Variants in ERC1 observed in about 807,000 individuals in gnomAD.
ERC1 encodes the protein RAB6 interacting protein 2.
ERC1 carries 56 observed loss-of-function variants against 132.0 expected under a neutral mutation model. That is an observed-to-expected ratio of 0.42 (90% CI 0.34 to 0.53). ERC1 has a LOEUF of 0.53. ERC1 is among the 20% of genes least tolerant of loss of function. The pLI, the probability that ERC1 is intolerant of heterozygous loss-of-function variation, is 0.03. For synonymous variants in ERC1, 478 were observed against 476.1 expected (o/e 1.00, Z -0.05); for missense variants, 1,202 against 1,349.9 (o/e 0.89, Z 1.72).
At chr12:1,219,998 AC>A (rs1315204181) in intron 12 of ERC1, among the ~76,000 whole-genome samples, 1 of 151,994 alleles carries the variant, frequency 6.6e-6, no homozygotes, top group African/African-American at 2.4e-5. Context: ...GCTTCTTGCC[AC>A]CCCTGTAACC....
At position 1,236,861 on chromosome 12, in the gene ERC1, G is replaced by A. The variant is rs765235148; in HGVS notation, c.2444G>A (p.Arg815Gln). 9 of 1,614,114 alleles carry A rather than the reference G, an allele frequency of 5.6e-6. No homozygotes were observed. The highest frequency in any genetic ancestry group is 2.2e-5 in the South Asian group (2 of 91,076). ...AGTGCACAAATGTTAGAGGAGGCGCGACGACGGGAGGACAATCTCAACGAC... is the reference window on the plus strand; with the variant it reads ...AGTGCACAAATGTTAGAGGAGGCGCAACGACGGGAGGACAATCTCAACGAC... ...KKSAQMLEEA[R>Q]RREDNLNDSS... The change falls in exon 13 of 19, where the codon CGA becomes CAA. Residue 815 changes from arginine (R) to glutamine (Q), a missense_variant. Physicochemically the swap from Arg to Gln is conservative, Grantham distance 43. Transcript: ENST00000360905.
At chr12:1,146,280 T>G (rs1400839597) in intron 8 of ERC1, among the ~76,000 whole-genome samples, 1 of 151,560 alleles carries the variant, frequency 6.6e-6, no homozygotes, top group Non-Finnish European at 1.5e-5. Flanking sequence ...GTAGAGGTCT[T>G]TCATTTCCTT....
intron 2 of ERC1, among the ~76,000 whole-genome samples, chr12:1,043,556 C>A (rs1214121613): frequency 6.6e-6 from 1 of 152,112 alleles, no homozygotes; most frequent in Non-Finnish European, 1.5e-5. Flanking sequence ...GTGGAGAGGT[C>A]TTAAAGTTAC....
chr12:1,265,319 T>C (rs1442038106), intron 14 of ERC1, among the ~76,000 whole-genome samples: 1 of 151,280 alleles, frequency 6.6e-6, no homozygotes, highest in African/African-American at 2.5e-5. Context: ...TTAATAATCA[T>C]GTCATTATGG....
Position 1,289,784 on chromosome 12 carries a change from G to A in ERC1, c.2620-68G>A, listed in dbSNP as rs1261947914. The A allele has an allele frequency of 6.1e-6, 8 of 1,319,864 alleles. No individual in the cohort carries two copies. The East Asian group carries it at 6.9e-5, about 11-fold the overall frequency. 81.8% of individuals were successfully genotyped at this position (1,319,864 alleles called of 1,614,324 possible). ...AATTTTCTGGACCCAGGAGTTGCGT[G>A]TTACCCAGGTCCTCTGACTCTGATT... is the stretch of plus-strand genomic sequence containing the variant. On this transcript the variant is annotated intron_variant, in intron 14 of 18. Coordinates refer to ENST00000360905, the MANE Select transcript of ERC1 (RefSeq NM_178040.4).
intron 5 of ERC1, among the ~76,000 whole-genome samples, chr12:1,111,210 A>G (rs1005120198): frequency 2.6e-5 from 4 of 152,062 alleles, no homozygotes; most frequent in African/African-American, 7.2e-5. Flanking sequence ...CATCAGTCAC[A>G]ATGTTCCTTC....
At chr12:1,196,120 T>C (rs1040784816) in intron 12 of ERC1, among the ~76,000 whole-genome samples, 2 of 152,178 alleles carry the variant, frequency 1.3e-5, no homozygotes, top group African/African-American at 4.8e-5. Context: ...TAAAATAAGG[T>C]GGTAATTTGA....
chr12:1,243,289 A>G (rs184016552), intron 13 of ERC1, among the ~76,000 whole-genome samples: 3 of 152,092 alleles, frequency 2.0e-5, no homozygotes, highest in African/African-American at 4.8e-5. Context: ...ACAGCATTTT[A>G]TATCAGGGAC....
intron 8 of ERC1, among the ~76,000 whole-genome samples, chr12:1,170,231 A>G (rs1476852173): frequency 2.6e-5 from 4 of 152,352 alleles, no homozygotes; most frequent in East Asian, 3.8e-4. Flanking sequence ...TTGTAATGGT[A>G]TAATATTCTT....
chr12:1,141,110 ACTTTTTAG>A (rs921125896), intron 7 of ERC1, among the ~76,000 whole-genome samples: 13 of 152,178 alleles, frequency 8.5e-5, no homozygotes, highest in Non-Finnish European at 1.6e-4. Flanking sequence ...TAGTTACCAA[ACTTTTTAG>A]CTGGTTAGTC....
intron 15 of ERC1, among the ~76,000 whole-genome samples, chr12:1,346,131 T>A (rs2084430344): frequency 6.6e-6 from 1 of 151,946 alleles, no homozygotes; most frequent in South Asian, 2.1e-4. Context: ...CTCCACTGTC[T>A]TTGTGGAAGG....
rs977713344 is a variant in ERC1 at position 1,494,180 on chromosome 12, G to A, written c.*3950G>A. ...AGCAAATACCAGTAATTTAACATCT[G>A]CTCCTGGCCTCCTCTTCACCTGCCT... On this transcript the variant is annotated 3_prime_UTR_variant, in exon 19 of 19. Transcript: ENST00000360905. 8 of 232,214 alleles carry A rather than the reference G, an allele frequency of 3.4e-5. No homozygotes were observed. Among genetic ancestry groups the A allele is most frequent in the African/African-American group, 1.8e-4 (8 of 45,272 alleles). The allele number at this position is 232,214 out of a possible 1,614,324, so 14.4% of individuals were successfully genotyped here.
intron 18 of ERC1, among the ~76,000 whole-genome samples, chr12:1,456,375 C>T (rs2093534495): frequency 6.6e-6 from 1 of 152,014 alleles, no homozygotes; most frequent in African/African-American, 2.4e-5. Flanking sequence ...TATTTGGTTT[C>T]TGTTTCTTTG....
At chr12:1,083,131 G>A (rs924816470) in intron 2 of ERC1, 33 bp from the exon 3 acceptor site, 1 of 1,570,178 alleles carries the variant, frequency 6.4e-7, no homozygotes, top group Non-Finnish European at 8.6e-7. Flanking sequence ...GAGGAAAGCT[G>A]ATTTGGGGGT....
chr12:1,292,224 A>G (rs966599820), intron 15 of ERC1, among the ~76,000 whole-genome samples: 2 of 152,072 alleles, frequency 1.3e-5, no homozygotes, highest in Non-Finnish European at 2.9e-5. Flanking sequence ...TTAAGCTGTG[A>G]ATTTGACTGC....
intron 1 of ERC1, among the ~76,000 whole-genome samples, chr12:1,015,771 G>A (rs1005878926): frequency 6.6e-6 from 1 of 152,156 alleles, no homozygotes; most frequent in Admixed American, 6.5e-5. Context: ...CTTTAAACAT[G>A]TTGAAATACA....
At chr12:1,269,782 G>T (rs745622245) in intron 14 of ERC1, among the ~76,000 whole-genome samples, 33 of 152,254 alleles carry the variant, frequency 2.2e-4, no homozygotes, top group Middle Eastern at 3.4e-3. Flanking sequence ...AAATTGATCT[G>T]CTCAAAAGGC....
At chr12:1,452,237 AT>A (rs1160685247) in intron 18 of ERC1, among the ~76,000 whole-genome samples, 1 of 150,422 alleles carries the variant, frequency 6.6e-6, no homozygotes, top group African/African-American at 2.4e-5. Flanking sequence ...ATGTGGTTCC[AT>A]TTTCTTTTGG....
chr12:1,485,201 C>CTCTTTTCTTTT (rs1555129709), intron 18 of ERC1, among the ~76,000 whole-genome samples: 2 of 96,378 alleles, frequency 2.1e-5, no homozygotes, highest in African/African-American at 8.7e-5. Flanking sequence ...GTTTATATTT[C>CTCTTTTCTTTT]TTTTTTTTTT....
Sources: allele counts gnomAD v4.1 joint callset (sites outside exome capture counted in the v4.1 genomes callset), GRCh38; gene constraint gnomAD v4.1.1; transcripts MANE v1.5; gene names NCBI Gene and HGNC (gene_info 2026-07-23, HGNC 2026-07-21).